The following CACNA1C variants were observed in gnomAD, a reference collection of about 807,000 sequenced individuals.
CACNA1C encodes voltage-dependent L-type calcium channel subunit alpha-1C.
In CACNA1C, 30 loss-of-function variants were observed where a neutral mutation model predicts 229.0. The ratio of observed to expected loss-of-function variants is 0.13; its 90% CI spans 0.10 to 0.18. The LOEUF is 0.18. CACNA1C is among the 10% of genes least tolerant of loss of function. The probability of loss-of-function intolerance (pLI) is 1.00; values close to 1 mark genes in which losing one functional copy is unlikely to be tolerated. For synonymous variants in CACNA1C, 1,114 were observed against 1,132.5 expected (o/e 0.98, Z 0.33); for missense variants, 1,658 against 2,845.0 (o/e 0.58, Z 9.49).
chr12:2,033,456 C>T (rs554924871), intron 1 of CACNA1C, among the ~76,000 whole-genome samples: 4 of 152,148 alleles, frequency 2.6e-5, no homozygotes, highest in Non-Finnish European at 5.9e-5. Flanking sequence ...CACATAAGGC[C>T]GACTGTCCCT....
At chr12:2,583,136 A>G (rs1209713312) in intron 15 of CACNA1C, among the ~76,000 whole-genome samples, 194 bp downstream of exon 15, 1 of 151,528 alleles carries the variant, frequency 6.6e-6, no homozygotes, top group African/African-American at 2.4e-5. Context: ...ACCTTCCTGA[A>G]CCCTCCGGGC....
At chr12:2,011,753 G>A (rs755911465) in intron 1 of CACNA1C, among the ~76,000 whole-genome samples, 4 of 152,186 alleles carry the variant, frequency 2.6e-5, no homozygotes, top group Admixed American at 6.5e-5. Flanking sequence ...GGGCCGAAAA[G>A]CCTTTCTTCT....
intron 3 of CACNA1C, among the ~76,000 whole-genome samples, chr12:2,314,350 A>G (rs1228247133): frequency 6.6e-6 from 1 of 152,196 alleles, no homozygotes; most frequent in Non-Finnish European, 1.5e-5. Flanking sequence ...AAAAGCTTTA[A>G]ATATAAATGT....
chr12:2,427,906 C>T (rs2154557720), intron 3 of CACNA1C, among the ~76,000 whole-genome samples: 2 of 152,284 alleles, frequency 1.3e-5, no homozygotes, highest in Middle Eastern at 6.8e-3. Flanking sequence ...AGGCGTGAGC[C>T]ACCGCGCCTG....
chr12:2,639,898 G>C lies in CACNA1C; in HGVS notation c.3912+5518G>C, dbSNP rs914897835. ...GAAAAGGAGCAGGAGAAAGACCTTCGGGGAGCAGAGCAGGCACAGGGAGGG... is the reference window on the plus strand; with the variant it reads ...GAAAAGGAGCAGGAGAAAGACCTTCCGGGAGCAGAGCAGGCACAGGGAGGG... On this transcript the variant is annotated intron_variant, in intron 30 of 46. Coordinates refer to ENST00000399655, the MANE Select transcript of CACNA1C (RefSeq NM_000719.7). This position sits in a 1 kb window ranked among gnomAD's most constrained non-coding sequence, Gnocchi z 4.2. Among the ~76,000 whole-genome samples, 1 of 152,148 alleles carries C rather than the reference G, an allele frequency of 6.6e-6. No individual in the cohort carries two copies. Among genetic ancestry groups the C allele is most frequent in the Non-Finnish European group, 1.5e-5 (1 of 68,030 alleles).
rs559863363 is a variant in CACNA1C, at chr12:2,379,839, G to A, written c.478-69137G>A. Among the ~76,000 whole-genome samples, 1,451 of 151,340 alleles carry A rather than the reference G, an allele frequency of 9.6e-3. 11 individuals carry two copies. The highest frequency in any genetic ancestry group is 0.015 in the Non-Finnish European group (987 of 67,812). On this transcript the variant is annotated intron_variant, in intron 3 of 46. Transcript: ENST00000399655. Reference sequence around the variant, plus strand: ...GAGGTCAGGAGATCGAGACCATCCCGGCTAAAACGGTGAAACCCCGTCTCT... The same window carrying A: ...GAGGTCAGGAGATCGAGACCATCCCAGCTAAAACGGTGAAACCCCGTCTCT...
intron 3 of CACNA1C, among the ~76,000 whole-genome samples, chr12:2,245,018 G>A (rs1566638518): frequency 6.6e-6 from 1 of 152,176 alleles, no homozygotes; most frequent in Non-Finnish European, 1.5e-5. Context: ...CTGCTGAACT[G>A]ATTGCCTGAA....
At chr12:2,570,030 A>C (rs1207802668) in intron 13 of CACNA1C, among the ~76,000 whole-genome samples, 2 of 152,238 alleles carry the variant, frequency 1.3e-5, no homozygotes, top group Non-Finnish European at 2.9e-5. Context: ...TTTCATAAAA[A>C]GCTGAGATGC....
chr12:1,999,224 A>G (rs1319760138), intron 1 of CACNA1C, among the ~76,000 whole-genome samples: 1 of 152,234 alleles, frequency 6.6e-6, no homozygotes. Context: ...TGCTAGTTTG[A>G]GAGCCACTCA....
chr12:2,179,355 G>A (rs533292054), intron 3 of CACNA1C, among the ~76,000 whole-genome samples: 1 of 152,302 alleles, frequency 6.6e-6, no homozygotes, highest in African/African-American at 2.4e-5. Flanking sequence ...CTGATGATAG[G>A]TTGGTCTTAG....
chr12:2,677,192 C>A lies in CACNA1C; in HGVS notation c.4927C>A (p.Pro1643Thr). 1 of 1,613,688 alleles carries A rather than the reference C, an allele frequency of 6.2e-7. No homozygotes were observed. The highest frequency in any genetic ancestry group is 8.5e-7 in the Non-Finnish European group (1 of 1,179,772). ...KRKEQGLVGK[P>T]SQRNALSLQA... ...CAAAGAGCAGGGCCTTGTGGGCAAGCCCTCCCAGAGGAACGCGCTGTCTCT... is the reference window on the plus strand; with the variant it reads ...CAAAGAGCAGGGCCTTGTGGGCAAGACCTCCCAGAGGAACGCGCTGTCTCT... The change falls in exon 40 of 47, where the codon CCC becomes ACC. Residue 1643 changes from proline (P) to threonine (T), a missense_variant. Transcript: ENST00000399655. The surrounding 1 kb of genome is among the most constrained non-coding windows in gnomAD (Gnocchi z 7.4).
At chr12:2,105,798 G>A (rs66831712) in intron 1 of CACNA1C, among the ~76,000 whole-genome samples, 49 of 70,548 alleles carry the variant, frequency 6.9e-4, no homozygotes, top group African/African-American at 1.3e-3. Flanking sequence ...CCCACCCCGG[G>A]GAGGGTTTCC....
At chr12:2,553,342 A>T (rs1333207651) in intron 10 of CACNA1C, among the ~76,000 whole-genome samples, 1 of 152,212 alleles carries the variant, frequency 6.6e-6, no homozygotes, top group East Asian at 1.9e-4. Context: ...GGTCCCTTCC[A>T]GTTCTGTAAA....
chr12:2,325,071 T>G (rs2096229398), intron 3 of CACNA1C, among the ~76,000 whole-genome samples: 1 of 152,104 alleles, frequency 6.6e-6, no homozygotes, highest in Admixed American at 6.5e-5. Context: ...GGACCTGGGC[T>G]CTCTTTCCCA....
At chr12:2,453,443 C>T (rs915269952) in intron 4 of CACNA1C, among the ~76,000 whole-genome samples, 5 of 152,184 alleles carry the variant, frequency 3.3e-5, no homozygotes, top group South Asian at 2.1e-4. Flanking sequence ...CTTGATCCCA[C>T]GCCCCTCTGT....
At chr12:2,122,953 G>A (rs1480558000) in intron 3 of CACNA1C, among the ~76,000 whole-genome samples, 1 of 152,180 alleles carries the variant, frequency 6.6e-6, no homozygotes, top group African/African-American at 2.4e-5. Flanking sequence ...GCATGGTCTG[G>A]GGATGCGCAT....
intron 1 of CACNA1C, chr12:2,011,136 A>C (rs952336062): frequency 7.6e-6 from 1 of 132,434 alleles, no homozygotes; most frequent in African/African-American, 2.9e-5. Context: ...GGGAGATAAG[A>C]GCGAAACTGA....
chr12:2,637,423 GAAAGCC>G (rs1195329938), intron 30 of CACNA1C, among the ~76,000 whole-genome samples: 2 of 152,144 alleles, frequency 1.3e-5, no homozygotes, highest in Non-Finnish European at 2.9e-5. Flanking sequence ...ACCCACAGTC[GAAAGCC>G]CTGTTTCCCA....
chr12:2,481,369 T>C (rs1416838114), intron 5 of CACNA1C, among the ~76,000 whole-genome samples: 11 of 152,196 alleles, frequency 7.2e-5, no homozygotes, highest in Admixed American at 3.3e-4. Context: ...CTCTTGACTT[T>C]TTAAGGAGAA....
Sources: allele counts gnomAD v4.1 joint callset (sites outside exome capture counted in the v4.1 genomes callset), GRCh38; gene constraint gnomAD v4.1.1; non-coding constraint Gnocchi (gnomAD v3.1); transcripts MANE v1.5; gene names NCBI Gene and HGNC (gene_info 2026-07-23, HGNC 2026-07-21).